Variants in PHF12 observed in about 807,000 individuals in gnomAD.
PHF12 encodes PHD factor 1.
PHF12 carries 6 observed loss-of-function variants against 99.8 expected under a neutral mutation model. That is an observed-to-expected ratio of 0.06 (90% CI 0.03 to 0.12). PHF12 has a LOEUF of 0.12. Ranked by LOEUF, PHF12 falls within the 10% of genes least tolerant of loss-of-function variation. The probability of loss-of-function intolerance (pLI) is 1.00; values close to 1 mark genes in which losing one functional copy is unlikely to be tolerated. For synonymous variants in PHF12, 480 were observed against 514.9 expected, an observed-to-expected ratio of 0.93 and a Z score of 0.92; for missense variants, 954 against 1,300.1, an observed-to-expected ratio of 0.73 and a Z score of 4.09.
intron 5 of PHF12, among the ~76,000 whole-genome samples, chr17:28,919,536 T>C (rs2040123044): frequency 6.6e-6 from 1 of 152,124 alleles, no homozygotes; most frequent in Admixed American, 6.5e-5. Context: ...AGACTGAGAC[T>C]GAGACTAGCC....
intron 9 of PHF12, 162 bp downstream of exon 9, chr17:28,912,320 A>C: frequency 1.4e-6 from 2 of 1,406,552 alleles, no homozygotes. Flanking sequence ...GGGACAAGTT[A>C]ACATGTGCTT....
chr17:28,936,135 A>G (rs757954423), intron 2 of PHF12, among the ~76,000 whole-genome samples: 5 of 152,250 alleles, frequency 3.3e-5, no homozygotes, highest in Non-Finnish European at 7.3e-5. Flanking sequence ...CAAGTCATAT[A>G]CCAGTGTGGT....
At chr17:28,910,148 C>G in intron 11 of PHF12, 78 bp downstream of exon 11, 1 of 1,595,680 alleles carries the variant, frequency 6.3e-7, no homozygotes, top group Non-Finnish European at 8.6e-7. Context: ...AGCTCAGATT[C>G]TCCATGGAGG....
At chr17:28,912,091 G>A (rs1048194488) in intron 9 of PHF12, 2 of 1,029,762 alleles carry the variant, frequency 1.9e-6, no homozygotes, top group East Asian at 8.5e-5. Context: ...TGACAATACT[G>A]AGGCCATCAC....
rs555694218 is a variant in PHF12, at chr17:28,924,619, AG to A, written c.322-318del. 319 of 388,458 alleles carry A rather than the reference AG, an allele frequency of 8.2e-4. 1 individual carries two copies. The highest frequency in any genetic ancestry group is 6.4e-3 in the African/African-American group (310 of 48,322). The allele number at this position is 388,458 out of a possible 1,614,324, so 24.1% of individuals were successfully genotyped here. A position where few individuals can be genotyped will look rare whatever the true frequency, so the allele number is the denominator to read the frequency against. On this transcript the variant is annotated intron_variant, in intron 3 of 14. Coordinates refer to ENST00000332830, the MANE Select transcript of PHF12 (RefSeq NM_001033561.2). ...TAAAGTATAGGGTAAAGGGCTAAAA[AG>A]GTAACACAGTGAGAATAAATTTAGT...
rs749826965 is a variant in PHF12, at chr17:28,908,803, C to T, written c.2438G>A (p.Arg813Gln). 5.6e-6 allele frequency: 9 copies of T among 1,613,886 alleles called. No homozygotes were observed. Among genetic ancestry groups the T allele is most frequent in the Admixed American group, 1.7e-5 (1 of 59,982 alleles). Residue 813 changes from arginine to glutamine, a missense_variant, in exon 12 of 15, where the codon CGA (arginine) becomes CAA (glutamine). This residue lies in a region of PHF12 where 143 missense variants were observed against 191.8 expected (regional missense o/e 0.75). Coordinates refer to ENST00000332830, the MANE Select transcript of PHF12 (RefSeq NM_001033561.2). ...CTCACCTGTCCCGATGTAGAGGGTTCGATAGCACATGTTCACAGCTCCTCC... is the reference window on the plus strand; with the variant it reads ...CTCACCTGTCCCGATGTAGAGGGTTTGATAGCACATGTTCACAGCTCCTCC... The part of the protein sequence containing the change: ...GLGGAVNMCY[R>Q]TLYIGTGADM...
chr17:28,921,617 A>C (rs929928148), intron 5 of PHF12, 71 bp downstream of exon 5: 1 of 1,547,908 alleles, frequency 6.5e-7, no homozygotes, highest in African/African-American at 1.4e-5. Context: ...CATGGTCTGG[A>C]AGAGGTGATG....
chr17:28,923,771 G>T, intron 4 of PHF12, 138 bp downstream of exon 4: 1 of 1,080,544 alleles, frequency 9.3e-7, no homozygotes, highest in Non-Finnish European at 1.3e-6. Context: ...GACCTTCAAA[G>T]ATCTCTCCAA....
chr17:28,914,129 C>T, intron 7 of PHF12, 92 bp from the exon 8 acceptor site: 1 of 1,393,528 alleles, frequency 7.2e-7, no homozygotes, highest in Non-Finnish European at 9.8e-7. Flanking sequence ...GTCTGTGGTG[C>T]TGGTGCTCAA....
chr17:28,906,709 G>A lies in PHF12; in HGVS notation c.2680+147C>T. On this transcript the variant is annotated intron_variant, in intron 14 of 14. Coordinates refer to ENST00000332830, the MANE Select transcript of PHF12 (RefSeq NM_001033561.2). The surrounding 1 kb of genome is among the most constrained non-coding windows in gnomAD (Gnocchi z 4.2). ...ACACACATGGGGGTACTCAGCACTT[G>A]CTTCTCTGTGGCCTGCCCTGGGCCC... 1 of 1,323,072 alleles carries A rather than the reference G, an allele frequency of 7.6e-7. No individual in the cohort carries two copies. Among genetic ancestry groups the A allele is most frequent in the South Asian group, 1.4e-5 (1 of 69,128 alleles). 82.0% of individuals were successfully genotyped at this position (1,323,072 alleles called of 1,614,324 possible). A position where few individuals can be genotyped will look rare whatever the true frequency, so the allele number is the denominator to read the frequency against.
At chr17:28,911,075 T>A in intron 10 of PHF12, 37 bp downstream of exon 10, 1 of 1,613,268 alleles carries the variant, frequency 6.2e-7, no homozygotes, top group Non-Finnish European at 8.5e-7. Flanking sequence ...ACCTTCAACA[T>A]AGCAAACGGT....
At chr17:28,909,047 T>C (rs746731096) in intron 11 of PHF12, 166 bp from the exon 12 acceptor site, 2 of 640,652 alleles carry the variant, frequency 3.1e-6, no homozygotes, top group Non-Finnish European at 5.5e-6. Flanking sequence ...GGGTAAGGCT[T>C]TCTCTCCCCA....
rs553602937 is a variant in PHF12, at chr17:28,940,152, G to A, written c.248+9913C>T. Among the ~76,000 whole-genome samples the A allele has an allele frequency of 2.6e-5, 4 of 152,272 alleles. No homozygotes were observed. The South Asian group carries it at 6.2e-4, about 24-fold the overall frequency. Reference sequence around the variant, plus strand: ...TTAAAAGAAAGCAAATGTAATTAGGGGAAAAGAAATTTTCACCTTGTGTCT... The same window carrying A: ...TTAAAAGAAAGCAAATGTAATTAGGAGAAAAGAAATTTTCACCTTGTGTCT... On this transcript the variant is annotated intron_variant, in intron 2 of 14. Transcript: ENST00000332830.
intron 2 of PHF12, among the ~76,000 whole-genome samples, chr17:28,941,124 T>C (rs758488871): frequency 2.0e-5 from 3 of 151,756 alleles, no homozygotes; most frequent in Non-Finnish European, 4.4e-5. Context: ...TTGTGCTGCA[T>C]TAATATATAA....
rs2040225935 is a variant in PHF12, at chr17:28,924,291, C to T, written c.333G>A (p.Gln111=). Residue 111 remains glutamine (Q), a synonymous_variant, in exon 4 of 15, where the codon CAG becomes CAA. Transcript: ENST00000332830. ...CATTGACATGACCCAGCTCCTTTTT[C>T]TGCTCTCGTTTCTGTGCAAATGAAC... The part of the protein sequence containing the change: ...RCTVRRKKRE[Q]KKELGHVNGL... 6.2e-7 allele frequency: 1 copy of T among 1,614,194 alleles called. No homozygotes were observed. The highest frequency in any genetic ancestry group is 8.5e-7 in the Non-Finnish European group (1 of 1,180,032).
chr17:28,909,997 A>T, intron 11 of PHF12: 1 of 688,658 alleles, frequency 1.5e-6, no homozygotes, highest in South Asian at 1.6e-5. Flanking sequence ...GTGGACTTAT[A>T]TATGAAAGAA....
chr17:28,906,646 G>A lies in PHF12; in HGVS notation c.2681-129C>T. 1 of 1,263,882 alleles carries A rather than the reference G, an allele frequency of 7.9e-7. No homozygotes were observed. 78.3% of individuals were successfully genotyped at this position (1,263,882 alleles called of 1,614,324 possible). ...CATGACTAGGGAGGAAGGATGCTCA[G>A]AAAGGGTTGGTGGAGTCTGAAGTCC... On this transcript the variant is annotated intron_variant, in intron 14 of 14. Coordinates refer to ENST00000332830, the MANE Select transcript of PHF12 (RefSeq NM_001033561.2). This position sits in a 1 kb window ranked among gnomAD's most constrained non-coding sequence, Gnocchi z 4.2.
chr17:28,911,057 G>T lies in PHF12; in HGVS notation c.2215+55C>A, dbSNP rs2277665. On this transcript the variant is annotated intron_variant, in intron 10 of 14. Coordinates refer to ENST00000332830, the MANE Select transcript of PHF12 (RefSeq NM_001033561.2). The stretch of plus-strand genomic sequence containing the variant: ...TCTGAAATGAGCTGAATGCTGTATA[G>T]GAATAGCACCTTCAACATAGCAAAC... 4.3e-6 allele frequency: 7 copies of T among 1,610,128 alleles called. No individual in the cohort carries two copies. The Admixed American group carries it at 1.2e-4, about 27-fold the overall frequency.
chr17:28,943,183 G>T (rs2040651940), intron 2 of PHF12, among the ~76,000 whole-genome samples: 1 of 152,210 alleles, frequency 6.6e-6, no homozygotes, highest in African/African-American at 2.4e-5. Flanking sequence ...AGGAAGTGGA[G>T]AAATTAGAAC....
Sources: gnomAD v4.1 joint callset for allele counts (sites outside exome capture counted in the v4.1 genomes callset) on GRCh38, gnomAD v4.1.1 for gene constraint, gnomAD v4.1.1 regional missense constraint, Gnocchi (gnomAD v3.1) non-coding constraint, MANE v1.5 for transcripts, NCBI Gene and HGNC (gene_info 2026-07-23, HGNC 2026-07-21) for gene names.